The following STXBP5L variants were observed in gnomAD, a reference collection of about 807,000 sequenced individuals.
STXBP5L encodes syntaxin binding protein 5L.
Under a neutral mutation model 144.5 loss-of-function variants are expected in STXBP5L, and 65 were observed. The ratio of observed to expected loss-of-function variants is 0.45; its 90% CI spans 0.37 to 0.55. The LOEUF (loss-of-function observed/expected upper bound fraction) is 0.55, where lower values mean the gene tolerates loss of function less well. STXBP5L is among the 20% of genes least tolerant of loss of function. The pLI, the probability that STXBP5L is intolerant of heterozygous loss-of-function variation, is 0.00. For missense variants in STXBP5L, 1,298 were observed against 1,405.5 expected (o/e 0.92, Z 1.22); for synonymous variants, 505 against 469.6 (o/e 1.08, Z -0.97).
chr3:121,395,669 A>G (rs553140283), intron 22 of STXBP5L, among the ~76,000 whole-genome samples: 15 of 152,342 alleles, frequency 9.8e-5, no homozygotes, highest in African/African-American at 2.9e-4. Flanking sequence ...TATGCCCAAT[A>G]AGTATAATTG....
intron 25 of STXBP5L, among the ~76,000 whole-genome samples, chr3:121,416,256 A>C (rs918169398): frequency 1.3e-5 from 2 of 151,900 alleles, no homozygotes; most frequent in Non-Finnish European, 2.9e-5. Flanking sequence ...TTGCAAGTAG[A>C]TCATACCTGC....
intron 8 of STXBP5L, among the ~76,000 whole-genome samples, chr3:121,153,548 G>A (rs866741549): frequency 6.6e-6 from 1 of 151,786 alleles, no homozygotes; most frequent in South Asian, 2.1e-4. Flanking sequence ...TATCATTGGA[G>A]GGATAAAAAA....
intron 5 of STXBP5L, among the ~76,000 whole-genome samples, chr3:121,110,448 C>T (rs889367091): frequency 3.3e-5 from 5 of 152,236 alleles, no homozygotes; most frequent in South Asian, 4.1e-4. Context: ...TCAGCATTTG[C>T]TTGTCTGAAA....
chr3:120,979,641 G>T (rs369173919), intron 3 of STXBP5L, among the ~76,000 whole-genome samples: 2 of 152,148 alleles, frequency 1.3e-5, no homozygotes, highest in Non-Finnish European at 2.9e-5. Flanking sequence ...CTTCTGCGTC[G>T]CTCACACTGG....
At chr3:121,032,573 G>T (rs940151551) in intron 3 of STXBP5L, among the ~76,000 whole-genome samples, 2 of 147,314 alleles carry the variant, frequency 1.4e-5, no homozygotes, top group African/African-American at 2.5e-5. Flanking sequence ...TGACAAATGG[G>T]ATCTAATTAA....
chr3:121,215,635 T>A (rs1335957634), intron 10 of STXBP5L, among the ~76,000 whole-genome samples: 2 of 152,214 alleles, frequency 1.3e-5, no homozygotes, highest in East Asian at 3.8e-4. Context: ...GCCCTTAACA[T>A]TTTTTCCTTC....
chr3:121,009,697 A>G (rs1265908985), intron 3 of STXBP5L, among the ~76,000 whole-genome samples: 2 of 151,998 alleles, frequency 1.3e-5, no homozygotes, highest in Non-Finnish European at 2.9e-5. Flanking sequence ...AGTCACTTAT[A>G]TATGAACTTA....
chr3:121,396,279 C>T (rs886412820), intron 22 of STXBP5L, among the ~76,000 whole-genome samples: 1 of 152,224 alleles, frequency 6.6e-6, no homozygotes, highest in African/African-American at 2.4e-5. Flanking sequence ...AAGATTCATT[C>T]TTTCCACTAT....
chr3:121,421,836 C>G lies in STXBP5L; in HGVS notation c.*2739C>G, dbSNP rs1420076439. ...AATTAGCACACCAATTGGAAGTAAA[C>G]AGGTGCTTCTCAAATGCTTGAAAAG... On this transcript the variant is annotated 3_prime_UTR_variant, in exon 27 of 27. Coordinates refer to ENST00000471454, the MANE Select transcript of STXBP5L (RefSeq NM_001308330.2). 6.6e-6 allele frequency: 1 copy of G among 152,110 alleles called. No individual in the cohort carries two copies. The highest frequency in any genetic ancestry group is 1.5e-5 in the Non-Finnish European group (1 of 68,016). The allele number at this position is 152,110 out of a possible 1,614,324, so 9.4% of individuals were successfully genotyped here.
At chr3:121,270,691 G>C (rs1431555936) in intron 18 of STXBP5L, among the ~76,000 whole-genome samples, 4 of 152,206 alleles carry the variant, frequency 2.6e-5, no homozygotes, top group South Asian at 4.1e-4. Flanking sequence ...GACCTCATGT[G>C]ATCCGCCCAC....
chr3:121,086,286 T>G (rs2042489400), intron 5 of STXBP5L, among the ~76,000 whole-genome samples: 1 of 152,166 alleles, frequency 6.6e-6, no homozygotes, highest in Non-Finnish European at 1.5e-5. Context: ...CATTATATTT[T>G]TAAAAATTTT....
chr3:121,278,376 G>A (rs1243930295), intron 18 of STXBP5L, among the ~76,000 whole-genome samples: 1 of 151,794 alleles, frequency 6.6e-6, no homozygotes, highest in Non-Finnish European at 1.5e-5. Context: ...CCAGCCCTAA[G>A]CTATAACTTC....
At chr3:121,329,064 A>G (rs2044242091) in intron 20 of STXBP5L, among the ~76,000 whole-genome samples, 1 of 152,074 alleles carries the variant, frequency 6.6e-6, no homozygotes, top group African/African-American at 2.4e-5. Context: ...TATTATATAT[A>G]TAATGTACAT....
At chr3:120,984,172 TCTC>T (rs1236598355) in intron 3 of STXBP5L, among the ~76,000 whole-genome samples, 4 of 152,152 alleles carry the variant, frequency 2.6e-5, no homozygotes, top group African/African-American at 4.8e-5. Flanking sequence ...CACCTCCAGT[TCTC>T]CTCTTTCAGC....
intron 3 of STXBP5L, among the ~76,000 whole-genome samples, chr3:120,992,258 C>A (rs1175074261): frequency 6.6e-6 from 1 of 152,080 alleles, no homozygotes; most frequent in African/African-American, 2.4e-5. Flanking sequence ...GAATGTTTAG[C>A]ATATCCATTA....
At chr3:121,125,416 A>T (rs1333382915) in intron 7 of STXBP5L, among the ~76,000 whole-genome samples, 1 of 152,108 alleles carries the variant, frequency 6.6e-6, no homozygotes, top group Non-Finnish European at 1.5e-5. Context: ...GGTTGCAGTG[A>T]GCTGACATTA....
chr3:121,384,708 A>T (rs2046389016), intron 22 of STXBP5L, among the ~76,000 whole-genome samples: 1 of 152,088 alleles, frequency 6.6e-6, no homozygotes, highest in Admixed American at 6.6e-5. Flanking sequence ...AAAACTTGTG[A>T]TGCAAAACAT....
At chr3:121,063,180 G>A (rs776323933) in intron 5 of STXBP5L, among the ~76,000 whole-genome samples, 4 of 152,196 alleles carry the variant, frequency 2.6e-5, no homozygotes, top group African/African-American at 4.8e-5. Context: ...GGTAACCTTC[G>A]GATGGGGTTT....
chr3:121,213,581 A>G (rs1026684824), intron 10 of STXBP5L, among the ~76,000 whole-genome samples: 1 of 152,168 alleles, frequency 6.6e-6, no homozygotes, highest in Non-Finnish European at 1.5e-5. Flanking sequence ...CGTGGTGGAT[A>G]AGTTTTTTGA....
Sources: allele counts gnomAD v4.1 joint callset (sites outside exome capture counted in the v4.1 genomes callset), GRCh38; gene constraint gnomAD v4.1.1; transcripts MANE v1.5; gene names NCBI Gene and HGNC (gene_info 2026-07-23, HGNC 2026-07-21).